The following EHBP1 variants were observed in gnomAD, a reference collection of about 807,000 sequenced individuals.
The protein encoded by EHBP1 is EH domain-binding protein 1.
Under a neutral mutation model 144.0 loss-of-function variants are expected in EHBP1, and 55 were observed. That is an observed-to-expected ratio of 0.38 (90% CI 0.31 to 0.48). EHBP1 has a LOEUF of 0.48. EHBP1 is among the 20% of genes least tolerant of loss of function. EHBP1 has a pLI of 0.98. For synonymous variants in EHBP1, 469 were observed against 472.7 expected, an observed-to-expected ratio of 0.99 and a Z score of 0.10; for missense variants, 1,200 against 1,364.2, an observed-to-expected ratio of 0.88 and a Z score of 1.90.
chr2:62,919,695 A>C (rs935543227), intron 10 of EHBP1, among the ~76,000 whole-genome samples: 3 of 152,198 alleles, frequency 2.0e-5, no homozygotes, highest in Non-Finnish European at 2.9e-5. Flanking sequence ...AGAAAGATCT[A>C]ATGTCAGATC....
In EHBP1 at chr2:62,948,702, A is replaced by T. The variant is rs1257663660; in HGVS notation, c.1856A>T (p.Gln619Leu). The change falls in exon 13 of 23, where the codon CAG becomes CTG. Residue 619 changes from glutamine (Q) to leucine (L), a missense_variant. Physicochemically the swap from Gln to Leu is moderately radical, Grantham distance 113. Coordinates refer to ENST00000431489, the MANE Select transcript of EHBP1 (RefSeq NM_001142616.3). Reference sequence around the variant, plus strand: ...AGGACTAAAAGTGACACAGAACCCCAGAAGTCTCAGCAGAGCTCTGGAAGG... The same window carrying T: ...AGGACTAAAAGTGACACAGAACCCCTGAAGTCTCAGCAGAGCTCTGGAAGG... Reference protein sequence around the residue: ...CRRTKSDTEPQKSQQSSGRTS... With the variant: ...CRRTKSDTEPLKSQQSSGRTS... 23 of 1,613,958 alleles carry T rather than the reference A, an allele frequency of 1.4e-5. No homozygotes were observed. Among genetic ancestry groups the T allele is most frequent in the Non-Finnish European group, 1.9e-5 (22 of 1,179,996 alleles).
At chr2:62,955,176 T>TA (rs2057620123) in intron 13 of EHBP1, among the ~76,000 whole-genome samples, 1 of 152,090 alleles carries the variant, frequency 6.6e-6, no homozygotes, top group Admixed American at 6.5e-5. Context: ...CTCTGAACTT[T>TA]AAAAAATGTC....
intron 7 of EHBP1, among the ~76,000 whole-genome samples, chr2:62,855,600 C>T (rs985118338): frequency 3.3e-5 from 5 of 152,190 alleles, no homozygotes; most frequent in African/African-American, 9.6e-5. Flanking sequence ...AATCAGCATG[C>T]AATTCCTCTT....
At chr2:62,830,153 G>C (rs369816828) in intron 6 of EHBP1, among the ~76,000 whole-genome samples, 15 of 132,168 alleles carry the variant, frequency 1.1e-4, no homozygotes, top group East Asian at 2.2e-4. Flanking sequence ...TATATATATA[G>C]ACACACACAC....
intron 14 of EHBP1, among the ~76,000 whole-genome samples, chr2:62,967,021 G>A (rs2058277104): frequency 6.6e-6 from 1 of 152,150 alleles, no homozygotes; most frequent in Non-Finnish European, 1.5e-5. Context: ...AATATCATCA[G>A]TAAGCACATG....
At chr2:62,829,643 C>T (rs928487225) in intron 6 of EHBP1, among the ~76,000 whole-genome samples, 10 of 142,994 alleles carry the variant, frequency 7.0e-5, no homozygotes, top group African/African-American at 2.6e-4. Flanking sequence ...CATAATACTA[C>T]TATATATACT....
intron 19 of EHBP1, among the ~76,000 whole-genome samples, chr2:62,997,228 C>T (rs930391568): frequency 4.6e-5 from 7 of 151,124 alleles, no homozygotes; most frequent in Middle Eastern, 3.2e-3. Flanking sequence ...ATTTTTTTTT[C>T]AAGAGAACAG....
intron 1 of EHBP1, among the ~76,000 whole-genome samples, chr2:62,681,015 T>C (rs2033493352): frequency 6.6e-6 from 1 of 152,012 alleles, no homozygotes; most frequent in South Asian, 2.1e-4. Context: ...AAATACTTTA[T>C]AAATATACAA....
chr2:62,949,114 T>C lies in EHBP1; in HGVS notation c.2268T>C (p.Ala756=), dbSNP rs1488909193. 2 of 1,583,816 alleles carry C rather than the reference T, an allele frequency of 1.3e-6. No homozygotes were observed. The highest frequency in any genetic ancestry group is 2.7e-5 in the African/African-American group (2 of 73,044). The change falls in exon 13 of 23, where the codon GCT becomes GCC. Residue 756 remains alanine, a synonymous_variant. Coordinates refer to ENST00000431489, the MANE Select transcript of EHBP1 (RefSeq NM_001142616.3). The part of the protein sequence containing the change: ...SLRQTESDPD[A]DRTTLNHADH... Reference sequence around the variant, plus strand: ...GGCAGACGGAGTCTGATCCAGATGCTGATAGAACCACTTTAAATCATGCAG... The same window carrying C: ...GGCAGACGGAGTCTGATCCAGATGCCGATAGAACCACTTTAAATCATGCAG...
At chr2:62,955,781 G>A in intron 14 of EHBP1, 121 bp downstream of exon 14, 1 of 1,045,190 alleles carries the variant, frequency 9.6e-7, no homozygotes, top group Non-Finnish European at 1.3e-6. Flanking sequence ...GTGAATACTT[G>A]GTGCACTTAC....
chr2:62,731,574 C>G (rs2037606860), intron 2 of EHBP1, among the ~76,000 whole-genome samples: 1 of 151,970 alleles, frequency 6.6e-6, no homozygotes. Flanking sequence ...GAGGAAGTTC[C>G]CCCTTTTTTC....
chr2:62,923,989 G>A (rs2055300828), intron 10 of EHBP1, among the ~76,000 whole-genome samples: 1 of 152,106 alleles, frequency 6.6e-6, no homozygotes, highest in African/African-American at 2.4e-5. Flanking sequence ...AGCCTCATGG[G>A]TCCCTACCCA....
At chr2:63,008,684 T>C (rs2060146875) in intron 19 of EHBP1, among the ~76,000 whole-genome samples, 1 of 151,110 alleles carries the variant, frequency 6.6e-6, no homozygotes, top group Non-Finnish European at 1.5e-5. Flanking sequence ...AAATAATAAA[T>C]GTTATTTGTA....
intron 5 of EHBP1, among the ~76,000 whole-genome samples, chr2:62,800,414 G>A (rs924508480): frequency 6.6e-6 from 1 of 152,040 alleles, no homozygotes; most frequent in Non-Finnish European, 1.5e-5. Context: ...TTTTTTAATG[G>A]TGAGAGGGCA....
chr2:62,821,695 G>A (rs2045993531), intron 5 of EHBP1, among the ~76,000 whole-genome samples: 1 of 151,996 alleles, frequency 6.6e-6, no homozygotes, highest in South Asian at 2.1e-4. Flanking sequence ...AGCAACAACA[G>A]CAACAACATC....
chr2:62,692,748 A>G (rs2033948798), intron 1 of EHBP1, among the ~76,000 whole-genome samples: 1 of 151,238 alleles, frequency 6.6e-6, no homozygotes, highest in Non-Finnish European at 1.5e-5. Context: ...TTTTTTTTTA[A>G]TTTTTGTGGG....
At chr2:62,790,655 A>G (rs2043111839) in intron 5 of EHBP1, among the ~76,000 whole-genome samples, 1 of 152,132 alleles carries the variant, frequency 6.6e-6, no homozygotes, top group South Asian at 2.1e-4. Context: ...ACACGGTATA[A>G]CAGAACTCCA....
At chr2:63,021,605 TAAG>T (rs1410463969) in intron 19 of EHBP1, among the ~76,000 whole-genome samples, 8 of 152,278 alleles carry the variant, frequency 5.3e-5, no homozygotes, top group African/African-American at 1.9e-4. Flanking sequence ...CTTCATCCCC[TAAG>T]AAGATTAACC....
At chr2:63,004,445 A>G (rs934340354) in intron 19 of EHBP1, among the ~76,000 whole-genome samples, 1 of 152,040 alleles carries the variant, frequency 6.6e-6, no homozygotes, top group African/African-American at 2.4e-5. Flanking sequence ...TTCCCCCACA[A>G]TATGGTCTAA....
Sources: gnomAD v4.1 joint callset for allele counts (sites outside exome capture counted in the v4.1 genomes callset) on GRCh38, gnomAD v4.1.1 for gene constraint, MANE v1.5 for transcripts, NCBI Gene and HGNC (gene_info 2026-07-23, HGNC 2026-07-21) for gene names.